DNAJC1: variants seen among roughly 807,000 people sequenced by gnomAD.
DNAJC1 encodes the protein DnaJ heat shock protein family (Hsp40) member C1.
DNAJC1 carries 58 observed loss-of-function variants against 76.6 expected under a neutral mutation model. The ratio of observed to expected loss-of-function variants is 0.76; its 90% CI spans 0.61 to 0.94. The LOEUF (loss-of-function observed/expected upper bound fraction) is 0.94. Among genes scored for constraint, DNAJC1 ranks in the 40% least tolerant of loss-of-function variants. The probability of loss-of-function intolerance (pLI) is 0.00; values close to 1 mark genes in which losing one functional copy is unlikely to be tolerated. For missense variants in DNAJC1, 689 were observed against 677.3 expected (o/e 1.02, Z -0.19); for synonymous variants, 258 against 267.9 (o/e 0.96, Z 0.36).
intron 8 of DNAJC1, among the ~76,000 whole-genome samples, chr10:21,843,504 C>G (rs1835605292): frequency 6.6e-6 from 1 of 151,156 alleles, no homozygotes; most frequent in Non-Finnish European, 1.5e-5. Context: ...AGTGATTATC[C>G]TGCCTCAGCC....
At position 21,759,332 on chromosome 10, in the gene DNAJC1, C is replaced by A; in HGVS notation, c.1434G>T (p.Glu478Asp). The A allele has an allele frequency of 6.2e-7, 1 of 1,614,226 alleles. No homozygotes were observed. The highest frequency in any genetic ancestry group is 1.1e-5 in the South Asian group (1 of 91,082). ...TTCTCAGGCTCTCCTCGTCGCTGGA[C>A]TCGTTTTGTTCTGCTATGTCAAAGT... is the stretch of plus-strand genomic sequence containing the variant. ...QKDFDIAEQN[E>D]SSDEESLRKE... is the part of the protein sequence containing the mutation. The change falls in exon 11 of 12, where the codon GAG becomes GAT. Residue 478 changes from glutamate (E) to aspartate (D), a missense_variant. By Grantham distance (45) the Glu-to-Asp change is conservative (BLOSUM62 2). Transcript: ENST00000376980.
chr10:21,912,075 A>T (rs1836872457), intron 6 of DNAJC1, among the ~76,000 whole-genome samples: 1 of 152,196 alleles, frequency 6.6e-6, no homozygotes. Context: ...AATTATAATC[A>T]GCCTGAACAT....
intron 6 of DNAJC1, among the ~76,000 whole-genome samples, chr10:21,907,493 T>C (rs1031047023): frequency 2.6e-5 from 4 of 152,172 alleles, no homozygotes; most frequent in South Asian, 2.1e-4. Context: ...CACTGACAAA[T>C]AGAAAGACTT....
intron 8 of DNAJC1, among the ~76,000 whole-genome samples, chr10:21,851,369 C>A (rs1440681413): frequency 6.6e-6 from 1 of 152,074 alleles, no homozygotes; most frequent in Non-Finnish European, 1.5e-5. Flanking sequence ...TGAAAAGATT[C>A]TCAACATCAT....
At chr10:21,784,169 T>C (rs1237536739) in intron 9 of DNAJC1, among the ~76,000 whole-genome samples, 2 of 152,070 alleles carry the variant, frequency 1.3e-5, no homozygotes, top group African/African-American at 2.4e-5. Context: ...AGGGCTAATA[T>C]CTAGAATCTA....
intron 3 of DNAJC1, among the ~76,000 whole-genome samples, chr10:21,927,287 T>C (rs1752453073): frequency 6.6e-6 from 1 of 152,196 alleles, no homozygotes. Context: ...GGTATTCAAA[T>C]TAAACGGTTA....
intron 9 of DNAJC1, among the ~76,000 whole-genome samples, chr10:21,796,797 A>AT (rs1477353587): frequency 6.6e-6 from 1 of 152,002 alleles, no homozygotes; most frequent in African/African-American, 2.4e-5. Context: ...ATATGAGGTT[A>AT]TTTTTTTGCT....
chr10:21,786,741 GATTATAGGCATGAGCC>G (rs1183022664), intron 9 of DNAJC1, among the ~76,000 whole-genome samples: 13 of 152,014 alleles, frequency 8.6e-5, no homozygotes, highest in Non-Finnish European at 1.6e-4. Context: ...AAAGCACTGG[GATTATAGGCATGAGCC>G]ACTGTGCCTG....
chr10:21,759,680 A>G lies in DNAJC1; in HGVS notation c.1148-62T>C, dbSNP rs559493334. Reference sequence around the variant, plus strand: ...AAGGTGAATTAAGGAGACGGTGAGAACAGCAGCTGCCGGGCACAGAGCAGG... The same window carrying G: ...AAGGTGAATTAAGGAGACGGTGAGAGCAGCAGCTGCCGGGCACAGAGCAGG... On this transcript the variant is annotated intron_variant, in intron 10 of 11. Transcript: ENST00000376980. 6 of 1,519,932 alleles carry G rather than the reference A, an allele frequency of 3.9e-6. No homozygotes were observed. The East Asian group carries it at 1.1e-4, about 29-fold the overall frequency. The allele number at this position is 1,519,932 out of a possible 1,614,324, so 94.2% of individuals were successfully genotyped here.
At chr10:21,859,827 A>G (rs576535764) in intron 8 of DNAJC1, among the ~76,000 whole-genome samples, 4 of 152,012 alleles carry the variant, frequency 2.6e-5, no homozygotes, top group Admixed American at 1.3e-4. Flanking sequence ...TTTGTCACCC[A>G]GGCTGGAGTA....
chr10:21,939,977 CA>C (rs1344388562), intron 1 of DNAJC1, among the ~76,000 whole-genome samples: 7 of 146,556 alleles, frequency 4.8e-5, no homozygotes, highest in African/African-American at 1.3e-4. Context: ...GCAAAAAAGC[CA>C]AAACAAACGT....
chr10:21,788,817 T>G (rs1032775477), intron 9 of DNAJC1, among the ~76,000 whole-genome samples: 1 of 152,110 alleles, frequency 6.6e-6, no homozygotes, highest in African/African-American at 2.4e-5. Flanking sequence ...CCTTCTTCCC[T>G]GGAGTCAGGC....
At chr10:21,986,287 C>A (rs905431080) in intron 1 of DNAJC1, among the ~76,000 whole-genome samples, 1 of 152,328 alleles carries the variant, frequency 6.6e-6, no homozygotes, top group Middle Eastern at 3.4e-3. Context: ...CATAAGTATT[C>A]CAGGTTTTCC....
chr10:21,785,846 T>C (rs530416702), intron 9 of DNAJC1, among the ~76,000 whole-genome samples: 8 of 152,220 alleles, frequency 5.3e-5, no homozygotes, highest in South Asian at 4.1e-4. Flanking sequence ...CAACTGGAAA[T>C]TGTACGACTA....
At chr10:21,981,728 C>A (rs1262434705) in intron 1 of DNAJC1, among the ~76,000 whole-genome samples, 1 of 152,146 alleles carries the variant, frequency 6.6e-6, no homozygotes, top group African/African-American at 2.4e-5. Flanking sequence ...TATCTGCATG[C>A]AAAAGAATAA....
intron 1 of DNAJC1, among the ~76,000 whole-genome samples, chr10:21,953,577 G>A (rs1416157441): frequency 2.0e-5 from 3 of 151,330 alleles, no homozygotes; most frequent in African/African-American, 7.3e-5. Context: ...ATATGCATTT[G>A]GAAAGATACA....
chr10:21,807,612 A>C (rs1042904198), intron 8 of DNAJC1, among the ~76,000 whole-genome samples: 5 of 152,236 alleles, frequency 3.3e-5, no homozygotes, highest in Non-Finnish European at 5.9e-5. Context: ...TGAAGCAGAT[A>C]AATTGGCATA....
intron 7 of DNAJC1, among the ~76,000 whole-genome samples, chr10:21,900,418 T>A (rs1274288356): frequency 6.6e-6 from 1 of 152,078 alleles, no homozygotes; most frequent in East Asian, 1.9e-4. Context: ...ACTTATATAT[T>A]CAATTGGATA....
chr10:21,890,606 T>C (rs968349414), intron 7 of DNAJC1, among the ~76,000 whole-genome samples: 4 of 151,966 alleles, frequency 2.6e-5, no homozygotes, highest in African/African-American at 9.7e-5. Context: ...AGCAGGAATA[T>C]CTATACCCAC....
Sources: allele counts gnomAD v4.1 joint callset (sites outside exome capture counted in the v4.1 genomes callset), GRCh38; gene constraint gnomAD v4.1.1; transcripts MANE v1.5; gene names NCBI Gene and HGNC (gene_info 2026-07-23, HGNC 2026-07-21).